Variants in ANKH observed in about 807,000 individuals in gnomAD.
The protein encoded by ANKH is ANKH inorganic pyrophosphate transport regulator, also known as mineralization regulator ANKH.
In ANKH, 15 loss-of-function variants were observed where a neutral mutation model predicts 49.0. The observed-to-expected ratio is 0.31, with a 90% CI of 0.20 to 0.47. The LOEUF (loss-of-function observed/expected upper bound fraction) is 0.47. Ranked by LOEUF, ANKH falls within the 20% of genes least tolerant of loss-of-function variation. The pLI, the probability that ANKH is intolerant of heterozygous loss-of-function variation, is 1.00. For missense variants in ANKH, 429 were observed against 652.0 expected, an observed-to-expected ratio of 0.66 and a Z score of 3.72; for synonymous variants, 273 against 260.0, an observed-to-expected ratio of 1.05 and a Z score of -0.48.
intron 1 of ANKH, among the ~76,000 whole-genome samples, chr5:14,832,792 A>G (rs1741541355): frequency 1.3e-5 from 2 of 152,208 alleles, no homozygotes; most frequent in Admixed American, 1.3e-4. Flanking sequence ...AAGATTCACA[A>G]TGGGGAGAAA....
At position 14,777,943 on chromosome 5, in the gene ANKH, C is replaced by T. The variant is rs138554201; in HGVS notation, c.97-8752G>A. ...TTGGAGGAGAATGTCCCTTTCCATG[C>T]TTCCTGCAGGTTCCATCATGGTTAT... On this transcript the variant is annotated intron_variant, in intron 1 of 11. Coordinates refer to ENST00000284268, the MANE Select transcript of ANKH (RefSeq NM_054027.6). 2.0e-5 allele frequency among the ~76,000 whole-genome samples: 3 copies of T among 152,366 alleles called. No homozygotes were observed. In the East Asian group the frequency reaches 5.8e-4, roughly 29 times the overall value.
intron 1 of ANKH, among the ~76,000 whole-genome samples, chr5:14,827,055 G>A (rs578170166): frequency 1.3e-5 from 2 of 152,184 alleles, no homozygotes; most frequent in African/African-American, 2.4e-5. Flanking sequence ...AGAGGGCCTA[G>A]AATACAGCAG....
At chr5:14,744,833 C>T (rs80218142) in intron 7 of ANKH, among the ~76,000 whole-genome samples, 8,909 of 152,288 alleles carry the variant, frequency 0.059, 862 homozygotes, top group African/African-American at 0.2. Flanking sequence ...CTGGTGGCCA[C>T]GTGAAGGAAG....
At position 14,865,277 on chromosome 5, in the gene ANKH, G is replaced by C. The variant is rs1049311389; in HGVS notation, c.96+6075C>G. ...CTCCGTCTCAAAAAATAATAATAATGATAATAAATTAAATAAAATAATAAA... is the reference window on the plus strand; with the variant it reads ...CTCCGTCTCAAAAAATAATAATAATCATAATAAATTAAATAAAATAATAAA... On this transcript the variant is annotated intron_variant, in intron 1 of 11. Transcript: ENST00000284268. 2.0e-5 allele frequency among the ~76,000 whole-genome samples: 3 copies of C among 151,792 alleles called. No individual in the cohort carries two copies. The South Asian group carries it at 6.2e-4, about 32-fold the overall frequency.
intron 8 of ANKH, among the ~76,000 whole-genome samples, chr5:14,735,249 C>CA (rs1194356946): frequency 6.6e-6 from 1 of 152,022 alleles, no homozygotes; most frequent in African/African-American, 2.4e-5. Flanking sequence ...TAGGTACCCA[C>CA]AAAAAATAAA....
intron 8 of ANKH, among the ~76,000 whole-genome samples, chr5:14,728,358 A>G (rs75359603): frequency 7.2e-4 from 110 of 152,362 alleles, no homozygotes; most frequent in Middle Eastern, 6.8e-3. Flanking sequence ...TGTTTCCAAG[A>G]TGCCCTAAGC....
intron 1 of ANKH, among the ~76,000 whole-genome samples, chr5:14,831,531 CG>C (rs1741507401): frequency 6.6e-6 from 1 of 152,068 alleles, no homozygotes; most frequent in Admixed American, 6.6e-5. Flanking sequence ...TGGGGGACGA[CG>C]GGGGGCCTTT....
chr5:14,711,333 G>T, intron 11 of ANKH, 23 bp from the exon 12 acceptor site: 2 of 1,600,198 alleles, frequency 1.2e-6, no homozygotes, highest in Non-Finnish European at 1.7e-6. Context: ...AGACTCATCA[G>T]TGTGGGGCTG....
chr5:14,777,615 T>C (rs1739668061), intron 1 of ANKH, among the ~76,000 whole-genome samples: 1 of 152,210 alleles, frequency 6.6e-6, no homozygotes, highest in Non-Finnish European at 1.5e-5. Flanking sequence ...CTGAGATTCC[T>C]CAGGACAGGA....
chr5:14,751,074 G>A lies in ANKH; in HGVS notation c.682C>T (p.Leu228=), dbSNP rs143039581. ...DIIPDRSGPE[L]GGDATIRKML... is the part of the protein sequence containing the mutation. ...TGTTGGGTTGGTAGACGTACCCCCA[G>A]CTCCGGGCCACTTCTGTCAGGGATG... Residue 228 remains leucine (L), a synonymous_variant, in exon 5 of 12, where the codon CTG becomes TTG. Coordinates refer to ENST00000284268, the MANE Select transcript of ANKH (RefSeq NM_054027.6). 8.7e-6 allele frequency: 14 copies of A among 1,614,240 alleles called. No individual in the cohort carries two copies. Among genetic ancestry groups the A allele is most frequent in the Non-Finnish European group, 1.0e-5 (12 of 1,180,040 alleles).
At chr5:14,783,271 A>AG (rs1392973853) in intron 1 of ANKH, among the ~76,000 whole-genome samples, 3 of 146,622 alleles carry the variant, frequency 2.0e-5, no homozygotes, top group African/African-American at 7.5e-5. Context: ...GTGGCACAGA[A>AG]GAGGGTCGCC....
intron 1 of ANKH, among the ~76,000 whole-genome samples, chr5:14,825,104 T>C (rs542371258): frequency 6.6e-6 from 1 of 152,346 alleles, no homozygotes; most frequent in South Asian, 2.1e-4. Context: ...GAACAAATAT[T>C]GAGGAATAGG....
At chr5:14,795,991 T>TAA (rs1483265930) in intron 1 of ANKH, among the ~76,000 whole-genome samples, 3 of 152,220 alleles carry the variant, frequency 2.0e-5, no homozygotes, top group Non-Finnish European at 4.4e-5. Flanking sequence ...TTGGAGCCTT[T>TAA]AACAGTTAAA....
chr5:14,821,795 G>A (rs1042125334), intron 1 of ANKH, among the ~76,000 whole-genome samples: 9 of 151,664 alleles, frequency 5.9e-5, no homozygotes, highest in South Asian at 2.1e-4. Context: ...ATAAATGAGC[G>A]AAAAAAAGGA....
chr5:14,871,148 G>C (rs1198262088), intron 1 of ANKH: 1 of 678,034 alleles, frequency 1.5e-6, no homozygotes, highest in South Asian at 1.5e-5. Flanking sequence ...TTTCCAGAGA[G>C]GGCTGGAAAA....
chr5:14,838,214 T>C (rs527774538), intron 1 of ANKH, among the ~76,000 whole-genome samples: 3 of 152,104 alleles, frequency 2.0e-5, no homozygotes, highest in Admixed American at 2.0e-4. Context: ...TATACATATG[T>C]CACAAACCTG....
intron 1 of ANKH, among the ~76,000 whole-genome samples, chr5:14,782,136 G>A (rs1483453203): frequency 6.6e-6 from 1 of 152,060 alleles, no homozygotes; most frequent in East Asian, 1.9e-4. Flanking sequence ...TGCCTTCCAT[G>A]GACGTTTATA....
intron 8 of ANKH, among the ~76,000 whole-genome samples, chr5:14,732,935 T>C (rs1419379954): frequency 1.3e-5 from 2 of 152,280 alleles, no homozygotes; most frequent in South Asian, 2.1e-4. Flanking sequence ...ACAGGGCAGT[T>C]AGATGTCATG....
At chr5:14,786,682 G>C (rs1739986253) in intron 1 of ANKH, among the ~76,000 whole-genome samples, 1 of 152,222 alleles carries the variant, frequency 6.6e-6, no homozygotes, top group Non-Finnish European at 1.5e-5. Flanking sequence ...CCTAGCGCTA[G>C]CAAAGACGAA....
Sources: allele counts gnomAD v4.1 joint callset (sites outside exome capture counted in the v4.1 genomes callset), GRCh38; gene constraint gnomAD v4.1.1; transcripts MANE v1.5; gene names NCBI Gene and HGNC (gene_info 2026-07-23, HGNC 2026-07-21).